CHN2: variants seen among roughly 807,000 people sequenced by gnomAD.
CHN2 encodes the protein chimerin 2.
CHN2 carries 35 observed loss-of-function variants against 56.3 expected under a neutral mutation model. The observed-to-expected ratio is 0.62, with a 90% CI of 0.47 to 0.82. The LOEUF is 0.82. CHN2 is among the 40% of genes least tolerant of loss of function. The pLI is 0.00. For synonymous variants in CHN2, 210 were observed against 212.8 expected (o/e 0.99, Z 0.12); for missense variants, 491 against 580.5 (o/e 0.85, Z 1.58).
chr7:29,350,572 A>G (rs538019913), intron 1 of CHN2, among the ~76,000 whole-genome samples: 135 of 152,274 alleles, frequency 8.9e-4, no homozygotes, highest in African/African-American at 3.1e-3. Flanking sequence ...ATGGGAAAGA[A>G]AAACCTTCCA....
intron 3 of CHN2, among the ~76,000 whole-genome samples, chr7:29,388,817 G>C (rs935825457): frequency 9.9e-5 from 15 of 152,280 alleles, no homozygotes; most frequent in African/African-American, 3.6e-4. Context: ...CATAACATTC[G>C]CATGGCCTCA....
intron 1 of CHN2, among the ~76,000 whole-genome samples, chr7:29,225,039 C>G (rs245941): frequency 0.4 from 60,576 of 151,994 alleles, 12,291 homozygotes; most frequent in East Asian, 0.55. Flanking sequence ...CAATTTGTAG[C>G]CTGCCTGAGT....
chr7:29,326,337 T>C (rs190574958), intron 1 of CHN2, among the ~76,000 whole-genome samples: 29 of 152,302 alleles, frequency 1.9e-4, no homozygotes, highest in Admixed American at 1.8e-3. Flanking sequence ...TTTGTATTTT[T>C]AGTAGAGACG....
At chr7:29,211,136 T>G (rs960294116) in intron 1 of CHN2, among the ~76,000 whole-genome samples, 9 of 151,840 alleles carry the variant, frequency 5.9e-5, no homozygotes, top group Non-Finnish European at 2.9e-5. Flanking sequence ...AGTGGCGCGA[T>G]CTCGGCTCAC....
intron 1 of CHN2, among the ~76,000 whole-genome samples, chr7:29,346,795 C>T (rs1292853111): frequency 1.3e-5 from 2 of 152,014 alleles, no homozygotes; most frequent in Non-Finnish European, 2.9e-5. Flanking sequence ...GCAGGTATTT[C>T]CTCTTCAGTT....
intron 1 of CHN2, among the ~76,000 whole-genome samples, chr7:29,201,210 A>T (rs1367104078): frequency 6.6e-6 from 1 of 152,198 alleles, no homozygotes; most frequent in African/African-American, 2.4e-5. Flanking sequence ...GAACCTTGGT[A>T]GTTGTTTCAC....
At chr7:29,178,407 G>A (rs1258922837) in intron 2 of CHN2, among the ~76,000 whole-genome samples, 1 of 151,874 alleles carries the variant, frequency 6.6e-6, no homozygotes, top group Non-Finnish European at 1.5e-5. Context: ...TTCCTTTGAC[G>A]CCAGCTCCAC....
chr7:29,388,853 C>T (rs1801141391), intron 3 of CHN2, among the ~76,000 whole-genome samples: 1 of 152,154 alleles, frequency 6.6e-6, no homozygotes, highest in Non-Finnish European at 1.5e-5. Context: ...GGTGTGTGGA[C>T]TGTGGATAGT....
At chr7:29,443,222 G>A (rs1370708780) in intron 6 of CHN2, among the ~76,000 whole-genome samples, 3 of 152,074 alleles carry the variant, frequency 2.0e-5, no homozygotes, top group Non-Finnish European at 4.4e-5. Flanking sequence ...TTACAGGCGT[G>A]AGCCACTGTG....
At position 29,485,944 on chromosome 7, in the gene CHN2, G is replaced by A. The variant is rs144734247; in HGVS notation, c.654+5588G>A. Among the ~76,000 whole-genome samples the A allele has an allele frequency of 2.0e-3, 309 of 152,136 alleles. 1 individual carries two copies. The highest frequency in any genetic ancestry group is 7.3e-3 in the African/African-American group (302 of 41,494). On this transcript the variant is annotated intron_variant, in intron 7 of 12. Coordinates refer to ENST00000222792, the MANE Select transcript of CHN2 (RefSeq NM_004067.4). ...GGATACCCTTCCTTCTTCCCGATAT[G>A]GAATATGGATGGAGAGCAGAGGCCC...
At chr7:29,171,028 C>T (rs1046447855) in intron 2 of CHN2, among the ~76,000 whole-genome samples, 1 of 152,104 alleles carries the variant, frequency 6.6e-6, no homozygotes, top group Non-Finnish European at 1.5e-5. Context: ...GGGGACACAG[C>T]CAAACCATAT....
At chr7:29,393,248 A>G (rs1274803603) in intron 3 of CHN2, among the ~76,000 whole-genome samples, 1 of 152,222 alleles carries the variant, frequency 6.6e-6, no homozygotes, top group African/African-American at 2.4e-5. Context: ...AGTCTGCTTT[A>G]TTTTTTAATC....
Position 29,509,490 on chromosome 7 carries a change from G to A in CHN2, c.1235+84G>A, listed in dbSNP as rs1791017583. 3.9e-6 allele frequency: 4 copies of A among 1,026,728 alleles called. No homozygotes were observed. In the South Asian group the frequency reaches 5.3e-5, roughly 14 times the overall value. 63.6% of individuals were successfully genotyped at this position (1,026,728 alleles called of 1,614,324 possible). The stretch of plus-strand genomic sequence containing the variant: ...GAAAAGTGGACGGCATTCCTCCCCA[G>A]CCATAACTGCTGGAGTTTCACTGTG... On this transcript the variant is annotated intron_variant, in intron 12 of 12. Transcript: ENST00000222792.
Position 29,354,641 on chromosome 7 carries a change from G to T in CHN2, c.66G>T (p.Gln22His), listed in dbSNP as rs1268168765. Residue 22 changes from glutamine (Q) to histidine (H), a missense_variant, in exon 2 of 13, where the codon CAG (glutamine) becomes CAT (histidine). Physicochemically the swap from Gln to His is conservative, Grantham distance 24. Transcript: ENST00000222792. ...SSVSSDAEEY[Q>H]PPIWKSYLYQ... The stretch of plus-strand genomic sequence containing the variant: ...TCATTCTAGATGCTGAAGAATACCA[G>T]CCTCCTATATGGAAATCATACTGTG... 2 of 1,610,262 alleles carry T rather than the reference G, an allele frequency of 1.2e-6. No individual in the cohort carries two copies. Among genetic ancestry groups the T allele is most frequent in the African/African-American group, 1.3e-5 (1 of 74,572 alleles).
At chr7:29,208,505 C>T (rs969506915) in intron 1 of CHN2, among the ~76,000 whole-genome samples, 19 of 152,130 alleles carry the variant, frequency 1.2e-4, no homozygotes, top group Admixed American at 4.6e-4. Context: ...CCCTGGGCAC[C>T]CTATGACAGC....
At chr7:29,147,135 G>A (rs938584744) in intron 2 of CHN2, 8 of 845,886 alleles carry the variant, frequency 9.5e-6, no homozygotes, top group Non-Finnish European at 1.3e-5. Context: ...AGTGACCTGA[G>A]TGTATATTAT....
intron 2 of CHN2, among the ~76,000 whole-genome samples, chr7:29,148,330 G>A (rs245883): frequency 0.45 from 68,199 of 152,048 alleles, 15,257 homozygotes; most frequent in South Asian, 0.53. Flanking sequence ...GAGGAGCCAT[G>A]CTGTAAGCAT....
chr7:29,233,924 C>T (rs1365247858), intron 1 of CHN2, among the ~76,000 whole-genome samples: 1 of 141,314 alleles, frequency 7.1e-6, no homozygotes, highest in South Asian at 2.3e-4. Context: ...AGCTCCGCCT[C>T]CCGGGTTCAC....
At chr7:29,269,904 T>C (rs900407644) in intron 1 of CHN2, among the ~76,000 whole-genome samples, 2 of 152,234 alleles carry the variant, frequency 1.3e-5, no homozygotes, top group African/African-American at 2.4e-5. Context: ...CCTCATTTTC[T>C]GGTTCATCAG....
Sources: allele counts gnomAD v4.1 joint callset (sites outside exome capture counted in the v4.1 genomes callset), GRCh38; gene constraint gnomAD v4.1.1; transcripts MANE v1.5; gene names NCBI Gene and HGNC (gene_info 2026-07-23, HGNC 2026-07-21).